FBN3: variants seen among roughly 807,000 people sequenced by gnomAD.
The protein encoded by FBN3 is fibrillin-3.
In FBN3, 234 loss-of-function variants were observed where a neutral mutation model predicts 330.1. The observed-to-expected ratio is 0.71, with a 90% confidence interval of 0.64 to 0.79. The LOEUF (loss-of-function observed/expected upper bound fraction) is 0.79, where lower values mean the gene tolerates loss of function less well. Ranked by LOEUF, FBN3 falls within the 30% of genes least tolerant of loss-of-function variation. The probability of loss-of-function intolerance (pLI) is 0.00; values close to 1 mark genes in which losing one functional copy is unlikely to be tolerated. For missense variants in FBN3, 3,606 were observed against 3,886.9 expected, an observed-to-expected ratio of 0.93 and a Z score of 1.92; for synonymous variants, 1,458 against 1,517.3, an observed-to-expected ratio of 0.96 and a Z score of 0.91.
intron 51 of FBN3, among the ~76,000 whole-genome samples, chr19:8,089,318 T>C (rs2082039733): frequency 6.6e-6 from 1 of 152,098 alleles, no homozygotes; most frequent in South Asian, 2.1e-4. Context: ...AATAAGTGAA[T>C]GAGTAAATGA....
Position 8,097,165 on chromosome 19 carries a change from T to G in FBN3, c.5287+124A>C. 9 of 1,464,998 alleles carry G rather than the reference T, an allele frequency of 6.1e-6. No homozygotes were observed. In the South Asian group the frequency reaches 1.2e-4, roughly 19 times the overall value. The allele number at this position is 1,464,998 out of a possible 1,614,324, so 90.7% of individuals were successfully genotyped here. ...TATGAGATGGAGGCCCTTGGAAAGG[T>G]GTTAGCCCATTATACATACAGGGAA... On this transcript the variant is annotated intron_variant, in intron 42 of 63. Coordinates refer to ENST00000600128, the MANE Select transcript of FBN3 (RefSeq NM_032447.5).
chr19:8,083,792 C>A (rs900075099), intron 56 of FBN3, among the ~76,000 whole-genome samples: 5 of 143,210 alleles, frequency 3.5e-5, no homozygotes, highest in Admixed American at 6.9e-5. Context: ...CCTCCCCAGT[C>A]CTACTATTTT....
chr19:8,137,315 C>T (rs1455859195), intron 10 of FBN3, among the ~76,000 whole-genome samples: 1 of 146,934 alleles, frequency 6.8e-6, no homozygotes, highest in African/African-American at 2.5e-5. Context: ...ATCCCTCCAA[C>T]CTGGGGCCTT....
chr19:8,140,497 G>A (rs555080520), intron 8 of FBN3, among the ~76,000 whole-genome samples: 25 of 152,206 alleles, frequency 1.6e-4, no homozygotes, highest in African/African-American at 6.0e-4. Flanking sequence ...TGTCATTGCT[G>A]TAAGTACATA....
At position 8,147,166 on chromosome 19, in the gene FBN3, C is replaced by A. The variant is rs201244581; in HGVS notation, c.188G>T (p.Arg63Leu). The change falls in exon 3 of 64, where the codon CGG (arginine) becomes CTG (leucine). Residue 63 changes from arginine to leucine, a missense_variant. Transcript: ENST00000600128. ...ILQGPNVCGS[R>L]FHAYCCPGWR... is the part of the protein sequence containing the mutation. ...GCCTGGACAGCAGTAGGCATGGAAC[C>A]GGGAGCCGCACACATTCGGCCTTCG... 3 of 1,570,986 alleles carry A rather than the reference C, an allele frequency of 1.9e-6. No homozygotes were observed. The East Asian group carries it at 7.0e-5, about 37-fold the overall frequency.
At position 8,129,308 on chromosome 19, in the gene FBN3, A is replaced by G; in HGVS notation, c.2102T>C (p.Leu701Pro). The G allele has an allele frequency of 6.2e-7, 1 of 1,614,152 alleles. No homozygotes were observed. The highest frequency in any genetic ancestry group is 8.5e-7 in the Non-Finnish European group (1 of 1,180,022). The change falls in exon 17 of 64, where the codon CTT becomes CCT. Residue 701 changes from leucine to proline, a missense_variant. Leu to Pro is a moderately conservative substitution (Grantham distance 98). Coordinates refer to ENST00000600128, the MANE Select transcript of FBN3 (RefSeq NM_032447.5). This position sits in a 1 kb window ranked among gnomAD's most constrained non-coding sequence, Gnocchi z 4.5. Reference protein sequence around the residue: ...EVCANGVCENLRGSYRCVCNL... With the variant: ...EVCANGVCENPRGSYRCVCNL... ...GCAGACACAGCGGTAGCTGCCCCGA[A>G]GGTTCTCGCACACGCCATTGGCACA... is the stretch of plus-strand genomic sequence containing the variant.
chr19:8,132,374 TCTGA>T (rs1273548693), intron 14 of FBN3, among the ~76,000 whole-genome samples: 1 of 151,358 alleles, frequency 6.6e-6, no homozygotes, highest in Non-Finnish European at 1.5e-5. Flanking sequence ...AGAAATGGCG[TCTGA>T]CTATGTTGCT....
chr19:8,138,372 C>T (rs552720417), intron 9 of FBN3, 40 bp downstream of exon 9: 2 of 1,610,306 alleles, frequency 1.2e-6, no homozygotes, highest in East Asian at 2.2e-5. Flanking sequence ...CCCCTGTCCC[C>T]TCCTCACCCA....
chr19:8,120,637 A>G (rs2082824890), intron 25 of FBN3, among the ~76,000 whole-genome samples: 1 of 151,926 alleles, frequency 6.6e-6, no homozygotes, highest in South Asian at 2.1e-4. Flanking sequence ...CACCATGCCT[A>G]GCTAATTTTT....
rs111507902 is a variant in FBN3 at position 8,087,753 on chromosome 19, C to T, written c.6619+72G>A. On this transcript the variant is annotated intron_variant, in intron 53 of 63. Coordinates refer to ENST00000600128, the MANE Select transcript of FBN3 (RefSeq NM_032447.5). ...CCTCCCAAGTAGCTGGGATTACAGG[C>T]GTGTGCCACCATGCCCAGCTAATTT... 3.1e-3 allele frequency: 4,194 copies of T among 1,351,974 alleles called. 118 individuals carry two copies. In the African/African-American group the frequency reaches 0.054, roughly 17 times the overall value. 83.7% of individuals were successfully genotyped at this position (1,351,974 alleles called of 1,614,324 possible). A position where few individuals can be genotyped will look rare whatever the true frequency, so the allele number is the denominator to read the frequency against.
rs771967808 is a variant in FBN3, at chr19:8,119,014, C to T, written c.3220G>A (p.Glu1074Lys). Residue 1074 changes from glutamate (E) to lysine (K), a missense_variant, in exon 26 of 64, where the codon GAG (glutamate) becomes AAG (lysine). Transcript: ENST00000600128. ...CAGAGCAGCGGGTCCCTTGCACACT[C>T]GTCCACGTCTGAAGGTTTGTGTGGA... ...MLMKNCMDVD[E>K]CARDPLLCRG... is the part of the protein sequence containing the mutation. 45 of 1,599,456 alleles carry T rather than the reference C, an allele frequency of 2.8e-5. No homozygotes were observed. Among genetic ancestry groups the T allele is most frequent in the Middle Eastern group, 3.3e-4 (2 of 6,040 alleles).
At chr19:8,128,981 G>A (rs1337851315) in intron 18 of FBN3, 47 bp downstream of exon 18, 3 of 1,571,134 alleles carry the variant, frequency 1.9e-6, no homozygotes, top group African/African-American at 1.4e-5. Context: ...CAAGTATGTT[G>A]GAGCATATGT....
At chr19:8,094,605 A>G in intron 46 of FBN3, 40 bp from the exon 47 acceptor site, 1 of 1,594,150 alleles carries the variant, frequency 6.3e-7, no homozygotes, top group Non-Finnish European at 8.6e-7. Context: ...GCCAGCCAGG[A>G]TGCAGGGGGC....
chr19:8,073,179 G>A lies in FBN3; in HGVS notation c.7821C>T (p.Gly2607=). Residue 2607 remains glycine (G), a synonymous_variant, in exon 62 of 64, where the codon GGC becomes GGT. Transcript: ENST00000600128. ...SGFDFDQALG[G]CQEVDECAGR... is the part of the protein sequence containing the mutation. ...CGGCGCACTCATCCACCTCCTGGCA[G>A]CCCCCGAGGGCCTGATCAAAGTCAA... is the stretch of plus-strand genomic sequence containing the variant. 5 of 1,613,948 alleles carry A rather than the reference G, an allele frequency of 3.1e-6. No individual in the cohort carries two copies. The highest frequency in any genetic ancestry group is 4.2e-6 in the Non-Finnish European group (5 of 1,179,970).
Position 8,132,911 on chromosome 19 carries a change from C to T in FBN3, c.1714+73G>A, listed in dbSNP as rs2083182743. On this transcript the variant is annotated intron_variant, in intron 14 of 63. Transcript: ENST00000600128. ...CGTCCCATCCCCGTCCGGTCCCTCT[C>T]CTCTTCCTCGCCGTCCCTCTGCTTC... 10 of 1,466,762 alleles carry T rather than the reference C, an allele frequency of 6.8e-6. No individual in the cohort carries two copies. In the South Asian group the frequency reaches 1.3e-4, roughly 20 times the overall value. The allele number at this position is 1,466,762 out of a possible 1,614,324, so 90.9% of individuals were successfully genotyped here.
Position 8,096,701 on chromosome 19 carries a change from T to C in FBN3, c.5414-132A>G. ...CAAACTTCCACCAGGGGCGTCAGGC[T>C]GTCTGCATGGACCTGAGCTCTCACC... On this transcript the variant is annotated intron_variant, in intron 43 of 63. Transcript: ENST00000600128. This position sits in a 1 kb window ranked among gnomAD's most constrained non-coding sequence, Gnocchi z 4.6. The C allele has an allele frequency of 1.5e-6, 2 of 1,372,800 alleles. No individual in the cohort carries two copies. Among genetic ancestry groups the C allele is most frequent in the Non-Finnish European group, 2.0e-6 (2 of 1,008,910 alleles). The allele number at this position is 1,372,800 out of a possible 1,614,324, so 85.0% of individuals were successfully genotyped here.
At chr19:8,133,448 G>A (rs115431966) in intron 13 of FBN3, among the ~76,000 whole-genome samples, 2,160 of 151,632 alleles carry the variant, frequency 0.014, 53 homozygotes, top group African/African-American at 0.049. Context: ...TTTTTTAAAA[G>A]ACAACAATTT....
At chr19:8,135,940 A>ACCCC in intron 13 of FBN3, 21 bp downstream of exon 13, 4 of 168,324 alleles carry the variant, frequency 2.4e-5, no homozygotes, top group South Asian at 3.9e-5. Context: ...GCCCCTGCCC[A>ACCCC]CCCGCCCACC....
intron 56 of FBN3, 29 bp downstream of exon 56, chr19:8,085,334 C>T: frequency 6.5e-7 from 1 of 1,544,806 alleles, no homozygotes; most frequent in African/African-American, 1.4e-5. Flanking sequence ...TCTTGCCTCC[C>T]TGGGGGTCCT....
Sources: gnomAD v4.1 joint callset for allele counts (sites outside exome capture counted in the v4.1 genomes callset) on GRCh38, gnomAD v4.1.1 for gene constraint, Gnocchi (gnomAD v3.1) non-coding constraint, MANE v1.5 for transcripts, NCBI Gene and HGNC (gene_info 2026-07-23, HGNC 2026-07-21) for gene names.